Variants in NFYC observed in about 807,000 individuals in gnomAD.
The protein encoded by NFYC is CAAT box DNA-binding protein subunit C.
NFYC carries 25 observed loss-of-function variants against 53.1 expected under a neutral mutation model. The ratio of observed to expected loss-of-function variants is 0.47; its 90% CI spans 0.34 to 0.66. The LOEUF (loss-of-function observed/expected upper bound fraction) is 0.66. Ranked by LOEUF, NFYC falls within the 30% of genes least tolerant of loss-of-function variation. NFYC has a pLI of 0.01. For synonymous variants in NFYC, 145 were observed against 152.6 expected (o/e 0.95, Z 0.37); for missense variants, 260 against 422.7 (o/e 0.62, Z 3.38).
At chr1:40,753,935 T>C (rs930341448) in intron 5 of NFYC, among the ~76,000 whole-genome samples, 24 of 152,220 alleles carry the variant, frequency 1.6e-4, no homozygotes, top group African/African-American at 5.5e-4. Flanking sequence ...AAGGTCACAC[T>C]AGTTGTTTTT....
At chr1:40,762,843 T>C (rs1239005075) in intron 6 of NFYC, 45 bp from the exon 7 acceptor site, 1 of 1,486,446 alleles carries the variant, frequency 6.7e-7, no homozygotes, top group Non-Finnish European at 9.0e-7. Flanking sequence ...TCCTGTGGGC[T>C]CTGAGCCTGA....
At chr1:40,742,782 A>T (rs985910126) in intron 2 of NFYC, among the ~76,000 whole-genome samples, 3 of 152,200 alleles carry the variant, frequency 2.0e-5, no homozygotes, top group African/African-American at 7.2e-5. Flanking sequence ...AATCCAGTAA[A>T]GTCAGGGTAA....
chr1:40,753,335 C>A, intron 5 of NFYC, 89 bp downstream of exon 5: 3 of 834,652 alleles, frequency 3.6e-6, no homozygotes, highest in South Asian at 3.0e-5. Flanking sequence ...CAGCACAAGT[C>A]ATTTGCTATT....
rs2148734186 is a variant in NFYC, at chr1:40,758,173, C to T, written c.440C>T (p.Thr147Met). The change falls in exon 6 of 10, where the codon ACG becomes ATG. Residue 147 changes from threonine (T) to methionine (M), a missense_variant. Thr to Met is a moderately conservative substitution (Grantham distance 81). Coordinates refer to ENST00000447388, the MANE Select transcript of NFYC (RefSeq NM_014223.5). ...GCCGAGCCAGTCCAGTACTATTTCACGCTGGCTCAGCAACCCACCGCTGTC... is the reference window on the plus strand; with the variant it reads ...GCCGAGCCAGTCCAGTACTATTTCATGCTGGCTCAGCAACCCACCGCTGTC... Reference protein sequence around the residue: ...TPAEPVQYYFTLAQQPTAVQV... With the variant: ...TPAEPVQYYFMLAQQPTAVQV... 2.5e-6 allele frequency: 4 copies of T among 1,612,494 alleles called. No individual in the cohort carries two copies. The highest frequency in any genetic ancestry group is 4.5e-5 in the East Asian group (2 of 44,882).
At chr1:40,712,042 T>G (rs1369237449) in intron 1 of NFYC, among the ~76,000 whole-genome samples, 1 of 152,226 alleles carries the variant, frequency 6.6e-6, no homozygotes, top group African/African-American at 2.4e-5. Flanking sequence ...ATCATGTGTG[T>G]CAAAGTACTT....
intron 1 of NFYC, among the ~76,000 whole-genome samples, chr1:40,693,220 C>T (rs953535423): frequency 1.3e-5 from 2 of 152,200 alleles, no homozygotes; most frequent in Non-Finnish European, 2.9e-5. Flanking sequence ...GACTTGTCAA[C>T]ACTTTCTGGT....
chr1:40,714,792 T>A (rs895230486), intron 1 of NFYC, among the ~76,000 whole-genome samples: 10 of 152,052 alleles, frequency 6.6e-5, no homozygotes, highest in East Asian at 5.8e-4. Flanking sequence ...TAAAAAAAAA[T>A]TTTGAGGGCA....
chr1:40,715,144 C>T (rs756363606), intron 1 of NFYC, among the ~76,000 whole-genome samples: 4 of 149,774 alleles, frequency 2.7e-5, no homozygotes, highest in Non-Finnish European at 5.9e-5. Context: ...TGGATCATGC[C>T]TGTAATCCCA....
rs556208488 is a variant in NFYC at position 40,766,575 on chromosome 1, T to C, written c.721-21T>C. ...TTATACTCAATGTCTTATGGTCTCT[T>C]TGTCTCTGCCCCTGCCCTAGGTGCA... On this transcript the variant is annotated intron_variant, in intron 7 of 9. Transcript: ENST00000447388. 5.7e-5 allele frequency: 91 copies of C among 1,588,652 alleles called. No homozygotes were observed. The South Asian group carries it at 1.0e-3, about 18-fold the overall frequency.
At chr1:40,707,177 A>G (rs1643733641) in intron 1 of NFYC, among the ~76,000 whole-genome samples, 1 of 151,590 alleles carries the variant, frequency 6.6e-6, no homozygotes, top group Non-Finnish European at 1.5e-5. Flanking sequence ...CTCAAAAAAA[A>G]AAAAGAAAAT....
intron 1 of NFYC, chr1:40,730,633 C>G: frequency 1.0e-6 from 1 of 982,224 alleles, no homozygotes; most frequent in South Asian, 4.7e-5. Flanking sequence ...TAGAGAGATA[C>G]TTGTTGACAT....
At chr1:40,692,976 A>T (rs1162837930) in intron 1 of NFYC, among the ~76,000 whole-genome samples, 1 of 152,244 alleles carries the variant, frequency 6.6e-6, no homozygotes, top group Non-Finnish European at 1.5e-5. Flanking sequence ...CTGAGTTTCC[A>T]AAGCCACATT....
intron 7 of NFYC, among the ~76,000 whole-genome samples, chr1:40,765,756 G>A (rs1646781107): frequency 6.6e-6 from 1 of 152,164 alleles, no homozygotes; most frequent in Admixed American, 6.5e-5. Context: ...CTCTGATGTG[G>A]TAACCGCCTT....
At chr1:40,758,928 G>A (rs775791219) in intron 6 of NFYC, among the ~76,000 whole-genome samples, 4 of 152,184 alleles carry the variant, frequency 2.6e-5, no homozygotes, top group Non-Finnish European at 2.9e-5. Context: ...CATCCTCTGA[G>A]GGTAAAGTTC....
At chr1:40,708,729 A>G (rs1643837797) in intron 1 of NFYC, among the ~76,000 whole-genome samples, 1 of 152,222 alleles carries the variant, frequency 6.6e-6, no homozygotes, top group Non-Finnish European at 1.5e-5. Context: ...CATGCAAACT[A>G]TTGTATGGCC....
intron 2 of NFYC, among the ~76,000 whole-genome samples, chr1:40,740,923 AT>A (rs111415840): frequency 0.013 from 1,785 of 140,374 alleles, 17 homozygotes; most frequent in African/African-American, 0.029. Context: ...TTGGACTTTG[AT>A]TTTTTTTTTT....
intron 1 of NFYC, among the ~76,000 whole-genome samples, chr1:40,738,201 C>T (rs1191406327): frequency 6.6e-6 from 1 of 152,112 alleles, no homozygotes; most frequent in African/African-American, 2.4e-5. Context: ...CGCGCCCGGC[C>T]CTCTCTCTTT....
chr1:40,757,213 G>A (rs910121220), intron 5 of NFYC: 13 of 333,932 alleles, frequency 3.9e-5, no homozygotes, highest in African/African-American at 2.7e-4. Context: ...TGTCACACAG[G>A]TCACTCCGGA....
chr1:40,701,569 C>T (rs1475171129), intron 1 of NFYC, among the ~76,000 whole-genome samples: 1 of 152,198 alleles, frequency 6.6e-6, no homozygotes, highest in Admixed American at 6.5e-5. Flanking sequence ...TCTGACCAGC[C>T]TAAAACTTAC....
Sources: allele counts gnomAD v4.1 joint callset (sites outside exome capture counted in the v4.1 genomes callset), GRCh38; gene constraint gnomAD v4.1.1; transcripts MANE v1.5; gene names NCBI Gene and HGNC (gene_info 2026-07-23, HGNC 2026-07-21).